Variants in NTN1 observed in about 807,000 individuals in gnomAD.
NTN1 encodes the protein netrin 1, also known as netrin-1.
Under a neutral mutation model 54.2 loss-of-function variants are expected in NTN1, and 11 were observed. The ratio of observed to expected loss-of-function variants is 0.20; its 90% CI spans 0.13 to 0.34. The LOEUF (loss-of-function observed/expected upper bound fraction) is 0.34. NTN1 is among the 10% of genes least tolerant of loss of function. The probability of loss-of-function intolerance (pLI) is 1.00; values close to 1 mark genes in which losing one functional copy is unlikely to be tolerated. For missense variants in NTN1, 740 were observed against 893.1 expected (o/e 0.83, Z 2.18); for synonymous variants, 371 against 382.0 (o/e 0.97, Z 0.33).
At chr17:9,038,592 T>C (rs1487121802) in intron 2 of NTN1, among the ~76,000 whole-genome samples, 1 of 152,098 alleles carries the variant, frequency 6.6e-6, no homozygotes, top group East Asian at 1.9e-4. Flanking sequence ...AATCCTAAGC[T>C]CAAGGCATTA....
chr17:9,074,039 C>T (rs1210883012), intron 2 of NTN1, among the ~76,000 whole-genome samples: 1 of 152,172 alleles, frequency 6.6e-6, no homozygotes, highest in Non-Finnish European at 1.5e-5. Context: ...GGGCCAGTGA[C>T]CAGCCTGGGA....
intron 6 of NTN1, among the ~76,000 whole-genome samples, chr17:9,227,494 C>T (rs1015891822): frequency 1.3e-5 from 2 of 148,200 alleles, no homozygotes; most frequent in Non-Finnish European, 3.0e-5. Flanking sequence ...CACACACATG[C>T]ACATACACAC....
At position 9,063,149 on chromosome 17, in the gene NTN1, T is replaced by G. The variant is rs187965390; in HGVS notation, c.1018+39758T>G. Among the ~76,000 whole-genome samples, 552 of 151,846 alleles carry G rather than the reference T, an allele frequency of 3.6e-3. 6 individuals are homozygous for G. Among genetic ancestry groups the G allele is most frequent in the African/African-American group, 0.011 (459 of 41,348 alleles). ...TTTGCTCTTGTTGCCTAGGCTGGAG[T>G]GCAGTGGCACAATCTTGGCTCACTG... On this transcript the variant is annotated intron_variant, in intron 2 of 6. Transcript: ENST00000173229.
At chr17:9,126,678 C>T (rs1051422190) in intron 2 of NTN1, among the ~76,000 whole-genome samples, 4 of 152,102 alleles carry the variant, frequency 2.6e-5, no homozygotes, top group South Asian at 2.1e-4. Context: ...ATTAGGGCTT[C>T]GCATTCAGCT....
chr17:9,147,778 G>C (rs560696694), intron 2 of NTN1, among the ~76,000 whole-genome samples: 2 of 152,154 alleles, frequency 1.3e-5, no homozygotes, highest in East Asian at 1.9e-4. Context: ...CTTATCCTCT[G>C]TTTGATGGTA....
chr17:9,014,529 A>G, the NTN1 span, among the ~76,000 whole-genome samples: 1 of 152,344 alleles, frequency 6.6e-6, no homozygotes, highest in Non-Finnish European at 1.5e-5. Context: ...CAGATGGGCA[A>G]GCAACTTGCC....
the NTN1 span, among the ~76,000 whole-genome samples, chr17:9,009,736 G>A: frequency 6.6e-6 from 1 of 152,068 alleles, no homozygotes; most frequent in African/African-American, 2.4e-5. Flanking sequence ...AACTTTTTAT[G>A]GAATCATATT....
chr17:9,137,315 T>C (rs2092284128), intron 2 of NTN1, among the ~76,000 whole-genome samples: 2 of 152,204 alleles, frequency 1.3e-5, no homozygotes, highest in Non-Finnish European at 2.9e-5. Context: ...CCAGTAATGA[T>C]GCGAAGCTGG....
Position 9,243,477 on chromosome 17 carries a change from A to T in NTN1, c.*3509A>T, listed in dbSNP as rs1906294909. On this transcript the variant is annotated 3_prime_UTR_variant, in exon 7 of 7. Coordinates refer to ENST00000173229, the MANE Select transcript of NTN1 (RefSeq NM_004822.3). ...AAAGTGAAAGACGCTTAGGCTGTCAACACTTAAAGGAAGTCCCCTTGAAGC... is the reference window on the plus strand; with the variant it reads ...AAAGTGAAAGACGCTTAGGCTGTCATCACTTAAAGGAAGTCCCCTTGAAGC... 6.6e-6 allele frequency: 1 copy of T among 152,278 alleles called. No individual in the cohort carries two copies. Among genetic ancestry groups the T allele is most frequent in the Non-Finnish European group, 1.5e-5 (1 of 68,080 alleles). The allele number at this position is 152,278 out of a possible 1,614,324, so 9.4% of individuals were successfully genotyped here. A position where few individuals can be genotyped will look rare whatever the true frequency, so the allele number is the denominator to read the frequency against.
chr17:9,045,997 A>G (rs1486324321), intron 2 of NTN1, among the ~76,000 whole-genome samples: 1 of 152,254 alleles, frequency 6.6e-6, no homozygotes, highest in Non-Finnish European at 1.5e-5. Context: ...AGAGTGGTCC[A>G]TAGACCACTT....
chr17:9,228,362 G>A (rs1285356425), intron 6 of NTN1, among the ~76,000 whole-genome samples: 1 of 152,202 alleles, frequency 6.6e-6, no homozygotes, highest in Non-Finnish European at 1.5e-5. Context: ...GGCGTTCAGT[G>A]CAGTGTGGGG....
intron 2 of NTN1, among the ~76,000 whole-genome samples, chr17:9,079,188 G>T (rs916264160): frequency 6.6e-6 from 1 of 152,312 alleles, no homozygotes; most frequent in Middle Eastern, 3.4e-3. Flanking sequence ...CCCTTCTGTA[G>T]ACCCCCTGTT....
intron 5 of NTN1, among the ~76,000 whole-genome samples, chr17:9,204,842 G>A (rs1275142981): frequency 6.6e-6 from 1 of 152,138 alleles, no homozygotes; most frequent in Non-Finnish European, 1.5e-5. Flanking sequence ...TGGTTGATTA[G>A]TGATGCCTGC....
At chr17:9,141,295 G>A (rs80154000) in intron 2 of NTN1, among the ~76,000 whole-genome samples, 3,447 of 151,542 alleles carry the variant, frequency 0.023, 142 homozygotes, top group African/African-American at 0.079. Flanking sequence ...GCTTTAATGA[G>A]GGGGGGGAGA....
At chr17:9,127,074 G>GGT (rs529638649) in intron 2 of NTN1, among the ~76,000 whole-genome samples, 10 of 149,828 alleles carry the variant, frequency 6.7e-5, no homozygotes, top group African/African-American at 7.4e-5. Context: ...GTAGGGCCGG[G>GGT]GGGGGGCAGG....
chr17:9,193,208 C>A (rs1904516460), intron 5 of NTN1, among the ~76,000 whole-genome samples: 1 of 152,032 alleles, frequency 6.6e-6, no homozygotes, highest in Non-Finnish European at 1.5e-5. Context: ...AAACTTAGCA[C>A]AACCTAAAGT....
At chr17:9,020,906 G>A (rs1157258788), upstream of NTN1, among the ~76,000 whole-genome samples, 1 of 152,190 alleles carries the variant, frequency 6.6e-6, no homozygotes, top group Non-Finnish European at 1.5e-5. Flanking sequence ...TGGGAGTGCG[G>A]GCGAGCAGCC....
At chr17:9,117,126 A>G (rs896596067) in intron 2 of NTN1, among the ~76,000 whole-genome samples, 2 of 152,336 alleles carry the variant, frequency 1.3e-5, no homozygotes, top group Non-Finnish European at 2.9e-5. Flanking sequence ...TCTGGATCAG[A>G]CATGATGTTA....
Position 9,162,809 on chromosome 17 carries a change from G to A in NTN1, c.1019-4G>A. On this transcript the variant is annotated splice_region_variant and splice_polypyrimidine_tract_variant and intron_variant, in intron 2 of 6. Transcript: ENST00000173229. ...CTGACACCTCTCTCTGTCTCCCCCTGCAGCCTGTAACTGCAACCTGCATGC... is the reference window on the plus strand; with the variant it reads ...CTGACACCTCTCTCTGTCTCCCCCTACAGCCTGTAACTGCAACCTGCATGC... 1.2e-6 allele frequency: 2 copies of A among 1,607,210 alleles called. No homozygotes were observed.
Sources: gnomAD v4.1 joint callset for allele counts (sites outside exome capture counted in the v4.1 genomes callset) on GRCh38, gnomAD v4.1.1 for gene constraint, MANE v1.5 for transcripts, NCBI Gene and HGNC (gene_info 2026-07-23, HGNC 2026-07-21) for gene names.